CC2D2A: variants seen among roughly 807,000 people sequenced by gnomAD.
CC2D2A encodes coiled-coil and C2 domain-containing protein 2A.
Under a neutral mutation model 212.9 loss-of-function variants are expected in CC2D2A, and 155 were observed. The observed-to-expected ratio is 0.73, with a 90% CI of 0.64 to 0.83. The LOEUF is 0.83. Among genes scored for constraint, CC2D2A ranks in the 40% least tolerant of loss-of-function variants. The probability of loss-of-function intolerance (pLI) is 0.00; values close to 1 mark genes in which losing one functional copy is unlikely to be tolerated. For synonymous variants in CC2D2A, 667 were observed against 686.5 expected (o/e 0.97, Z 0.44); for missense variants, 1,856 against 1,956.2 (o/e 0.95, Z 0.97).
Position 15,527,565 on chromosome 4 carries a change from G to A in CC2D2A, c.1268G>A (p.Arg423Gln), listed in dbSNP as rs780924556. The change falls in exon 12 of 37, where the codon CGA (arginine) becomes CAA (glutamine). Residue 423 changes from arginine to glutamine, a missense_variant. By Grantham distance (43) the Arg-to-Gln change is conservative (BLOSUM62 1). Around this residue, in one of 5 missense-constraint regions of CC2D2A, gnomAD observed 1,512 missense variants for 1,579.3 expected, o/e 0.96. Transcript: ENST00000424120. ...LIFTHHPCFSREHVLAAKLAQ... is the reference protein window; with the variant it reads ...LIFTHHPCFSQEHVLAAKLAQ... The stretch of plus-strand genomic sequence containing the variant: ...TTCACTCATCATCCCTGTTTTAGCC[G>A]AGAGCATGTTTTGGCAGCCAAGCTG... 3.9e-5 allele frequency: 63 copies of A among 1,613,366 alleles called. No individual in the cohort carries two copies. In the East Asian group the frequency reaches 7.1e-4, roughly 18 times the overall value.
At chr4:15,502,596 C>A in intron 5 of CC2D2A, 79 bp downstream of exon 5, 2 of 1,268,222 alleles carry the variant, frequency 1.6e-6, no homozygotes, top group Non-Finnish European at 1.1e-6. Flanking sequence ...TTTTATGCTC[C>A]AAACTGCATG....
At chr4:15,515,756 T>C in intron 9 of CC2D2A, 112 bp from the exon 10 acceptor site, 2 of 1,087,758 alleles carry the variant, frequency 1.8e-6, no homozygotes, top group Non-Finnish European at 2.6e-6. Context: ...TTTGGAAAAT[T>C]TGCATTTTCT....
chr4:15,475,495 G>A (rs1179034281), intron 1 of CC2D2A, among the ~76,000 whole-genome samples: 1 of 152,182 alleles, frequency 6.6e-6, no homozygotes, highest in African/African-American at 2.4e-5. Context: ...GCAAGTGGAA[G>A]CAGAGGAGGT....
intron 4 of CC2D2A, among the ~76,000 whole-genome samples, chr4:15,498,277 A>C (rs186341068): frequency 6.6e-6 from 1 of 152,342 alleles, no homozygotes; most frequent in African/African-American, 2.4e-5. Flanking sequence ...ATTTCATGCT[A>C]CATTGACATT....
chr4:15,496,960 A>C (rs1715652926), intron 4 of CC2D2A, among the ~76,000 whole-genome samples: 1 of 152,170 alleles, frequency 6.6e-6, no homozygotes, highest in Non-Finnish European at 1.5e-5. Context: ...GATAAGAAGA[A>C]CCAGTATTGT....
intron 34 of CC2D2A, 104 bp downstream of exon 34, chr4:15,596,311 T>G: frequency 9.4e-7 from 1 of 1,068,924 alleles, no homozygotes; most frequent in Non-Finnish European, 1.2e-6. Context: ...GAACAGTATT[T>G]GTTTATCAAA....
chr4:15,470,311 G>T (rs930544003), intron 1 of CC2D2A, among the ~76,000 whole-genome samples: 11 of 152,180 alleles, frequency 7.2e-5, no homozygotes, highest in Admixed American at 6.5e-4. Context: ...CAAGTCCTGA[G>T]TGAAAATGCT....
chr4:15,515,893 G>A lies in CC2D2A; in HGVS notation c.906G>A (p.Glu302=), dbSNP rs1003015820. The A allele has an allele frequency of 1.3e-6, 2 of 1,552,566 alleles. No individual in the cohort carries two copies. Among genetic ancestry groups the A allele is most frequent in the African/African-American group, 2.7e-5 (2 of 73,060 alleles). ...TCCCTACATATAAAAAGCTTCCTGA[G>A]AATGTACAGCCCAGGTTCCTGGAAG... is the stretch of plus-strand genomic sequence containing the variant. The part of the protein sequence containing the change: ...QTVPTYKKLP[E]NVQPRFLEDE... The change falls in exon 10 of 37, where the codon GAG becomes GAA. Residue 302 remains glutamate (E), a synonymous_variant. Transcript: ENST00000424120.
intron 14 of CC2D2A, 92 bp from the exon 15 acceptor site, chr4:15,536,828 C>T (rs746097622): frequency 1.3e-5 from 15 of 1,193,618 alleles, no homozygotes; most frequent in Non-Finnish European, 1.8e-5. Context: ...GAGGAACTGG[C>T]ACATAGCAAG....
At chr4:15,498,110 GGAGA>G (rs1560150839) in intron 4 of CC2D2A, among the ~76,000 whole-genome samples, 3 of 152,160 alleles carry the variant, frequency 2.0e-5, no homozygotes, top group African/African-American at 7.2e-5. Flanking sequence ...ATAGGAAAGA[GGAGA>G]GAGAGTGCAG....
intron 4 of CC2D2A, among the ~76,000 whole-genome samples, chr4:15,496,707 C>T (rs1293332135): frequency 6.6e-6 from 1 of 152,142 alleles, no homozygotes; most frequent in Non-Finnish European, 1.5e-5. Context: ...TAAACAACTT[C>T]AGCAAAGCTT....
chr4:15,577,069 C>A (rs543959893), intron 29 of CC2D2A, among the ~76,000 whole-genome samples: 32 of 152,334 alleles, frequency 2.1e-4, no homozygotes, highest in African/African-American at 7.7e-4. Flanking sequence ...TCACAGCTTG[C>A]TGCAGCCTCG....
At chr4:15,575,683 A>C (rs1720375394) in intron 29 of CC2D2A, among the ~76,000 whole-genome samples, 2 of 152,238 alleles carry the variant, frequency 1.3e-5, no homozygotes, top group Admixed American at 1.3e-4. Flanking sequence ...ATATTTTGTC[A>C]GTAAAACAGT....
intron 2 of CC2D2A, among the ~76,000 whole-genome samples, chr4:15,476,957 G>A (rs1714256436): frequency 6.6e-6 from 1 of 152,152 alleles, no homozygotes; most frequent in African/African-American, 2.4e-5. Flanking sequence ...GCTGTCCAAT[G>A]CAGTCCTCCA....
intron 8 of CC2D2A, among the ~76,000 whole-genome samples, chr4:15,513,520 T>A (rs1482967208): frequency 6.6e-6 from 1 of 152,232 alleles, no homozygotes; most frequent in African/African-American, 2.4e-5. Context: ...TTCCTAAAAC[T>A]GCTCTTTTAA....
At chr4:15,514,417 G>A (rs1433038138) in intron 8 of CC2D2A, among the ~76,000 whole-genome samples, 1 of 152,202 alleles carries the variant, frequency 6.6e-6, no homozygotes, top group East Asian at 1.9e-4. Context: ...CAGTCTCATA[G>A]GAGGCCAGAT....
At chr4:15,492,513 GTTTT>G (rs796879647) in intron 4 of CC2D2A, among the ~76,000 whole-genome samples, 1 of 146,334 alleles carries the variant, frequency 6.8e-6, no homozygotes. Flanking sequence ...TGTTTGTTTG[GTTTT>G]TTTTTTTGAG....
intron 11 of CC2D2A, among the ~76,000 whole-genome samples, chr4:15,523,741 T>A (rs1717341195): frequency 6.6e-6 from 1 of 152,246 alleles, no homozygotes; most frequent in Admixed American, 6.5e-5. Flanking sequence ...CTCTTTTCTC[T>A]GATTCTTCTT....
At chr4:15,490,881 T>C (rs1487522487) in intron 4 of CC2D2A, among the ~76,000 whole-genome samples, 2 of 148,870 alleles carry the variant, frequency 1.3e-5, no homozygotes, top group African/African-American at 5.0e-5. Flanking sequence ...TTCTGTTCTG[T>C]TCTAATTACT....
Sources: gnomAD v4.1 joint callset for allele counts (sites outside exome capture counted in the v4.1 genomes callset) on GRCh38, gnomAD v4.1.1 for gene constraint, gnomAD v4.1.1 regional missense constraint, MANE v1.5 for transcripts, NCBI Gene and HGNC (gene_info 2026-07-23, HGNC 2026-07-21) for gene names.